RNF13: variants seen among roughly 807,000 people sequenced by gnomAD.
RNF13 encodes E3 ubiquitin-protein ligase RNF13.
A neutral mutation model predicts 37.7 loss-of-function variants in RNF13; 19 were observed. The ratio of observed to expected loss-of-function variants is 0.50; its 90% CI spans 0.35 to 0.74. RNF13 has a LOEUF of 0.74. Among genes scored for constraint, RNF13 ranks in the 30% least tolerant of loss-of-function variants. RNF13 has a pLI of 0.01. For missense variants in RNF13, 375 were observed against 453.0 expected (o/e 0.83, Z 1.56); for synonymous variants, 144 against 157.8 (o/e 0.91, Z 0.65).
intron 2 of RNF13, among the ~76,000 whole-genome samples, chr3:149,851,812 A>T (rs1456164709): frequency 6.6e-6 from 1 of 152,164 alleles, no homozygotes; most frequent in Non-Finnish European, 1.5e-5. Flanking sequence ...AACATTATTA[A>T]ATGATACAGC....
rs551013328 is a variant in RNF13 at position 149,896,116 on chromosome 3, C to T, written c.409+556C>T. On this transcript the variant is annotated intron_variant, in intron 5 of 9. Coordinates refer to ENST00000392894, the MANE Select transcript of RNF13 (RefSeq NM_183381.3). ...AGTGGCATAACTGGCTGTAATAAGACACTGACTTTGAAGCTGTATGCCTCA... is the reference window on the plus strand; with the variant it reads ...AGTGGCATAACTGGCTGTAATAAGATACTGACTTTGAAGCTGTATGCCTCA... Among the ~76,000 whole-genome samples, 100 of 152,278 alleles carry T rather than the reference C, an allele frequency of 6.6e-4. 1 individual carries two copies. The highest frequency in any genetic ancestry group is 2.3e-3 in the African/African-American group (97 of 41,554).
chr3:149,871,970 G>C, intron 3 of RNF13, 59 bp from the exon 4 acceptor site: 4 of 1,421,550 alleles, frequency 2.8e-6, no homozygotes, highest in Non-Finnish European at 3.8e-6. Flanking sequence ...ATTTGTAGAA[G>C]TAAGTTGATT....
chr3:149,879,940 C>G (rs557992131), intron 4 of RNF13, among the ~76,000 whole-genome samples: 1 of 152,150 alleles, frequency 6.6e-6, no homozygotes, highest in Non-Finnish European at 1.5e-5. Context: ...ATGGATATGT[C>G]TTTTCTAATT....
chr3:149,900,530 C>T (rs997196568), intron 5 of RNF13, among the ~76,000 whole-genome samples: 3 of 151,908 alleles, frequency 2.0e-5, no homozygotes, highest in Non-Finnish European at 2.9e-5. Context: ...ACAATGGTGC[C>T]ATCTGTGAAT....
At chr3:149,937,965 G>A (rs1310524743) in intron 8 of RNF13, among the ~76,000 whole-genome samples, 2 of 151,948 alleles carry the variant, frequency 1.3e-5, no homozygotes, top group Non-Finnish European at 2.9e-5. Context: ...CTGCTGTTGA[G>A]TTCAACTGTG....
intron 6 of RNF13, among the ~76,000 whole-genome samples, chr3:149,907,099 A>G (rs867204424): frequency 6.6e-6 from 1 of 152,140 alleles, no homozygotes; most frequent in African/African-American, 2.4e-5. Context: ...ACTGGTTTTT[A>G]TTTGTACAGC....
intron 5 of RNF13, 65 bp downstream of exon 5, chr3:149,895,625 G>T: frequency 1.8e-6 from 2 of 1,105,744 alleles, no homozygotes; most frequent in Non-Finnish European, 2.7e-6. Context: ...AAAATTAACA[G>T]GATTTTCCTT....
At chr3:149,886,238 T>G (rs550404508) in intron 4 of RNF13, among the ~76,000 whole-genome samples, 3 of 152,370 alleles carry the variant, frequency 2.0e-5, no homozygotes, top group Admixed American at 2.0e-4. Flanking sequence ...CATATAAATT[T>G]TACAATTGTT....
chr3:149,858,977 AT>A (rs1249591238), intron 3 of RNF13, among the ~76,000 whole-genome samples: 2 of 152,312 alleles, frequency 1.3e-5, no homozygotes, highest in African/African-American at 4.8e-5. Flanking sequence ...TTGCAAAGAA[AT>A]GTGGTTGTTT....
At chr3:149,892,157 A>G (rs1482523687) in intron 4 of RNF13, among the ~76,000 whole-genome samples, 2 of 152,144 alleles carry the variant, frequency 1.3e-5, no homozygotes, top group African/African-American at 4.8e-5. Context: ...TTCCCATTTT[A>G]GTGGTTTCCT....
intron 5 of RNF13, among the ~76,000 whole-genome samples, chr3:149,896,599 C>T (rs377229525): frequency 6.6e-6 from 1 of 151,952 alleles, no homozygotes; most frequent in East Asian, 1.9e-4. Context: ...CCTGCCTCAG[C>T]CTCCTGAGTA....
intron 8 of RNF13, among the ~76,000 whole-genome samples, chr3:149,947,479 A>G (rs1720879849): frequency 6.6e-6 from 1 of 150,918 alleles, no homozygotes; most frequent in South Asian, 2.1e-4. Flanking sequence ...ATCTTGGCTC[A>G]CTGCAACCTC....
At chr3:149,943,540 A>C (rs1301468031) in intron 8 of RNF13, among the ~76,000 whole-genome samples, 1 of 152,106 alleles carries the variant, frequency 6.6e-6, no homozygotes, top group Non-Finnish European at 1.5e-5. Flanking sequence ...TATCCTCCAA[A>C]GCCCATAGTT....
chr3:149,902,084 A>G lies in RNF13; in HGVS notation c.422A>G (p.Lys141Arg). 3.4e-6 allele frequency: 5 copies of G among 1,458,274 alleles called. No individual in the cohort carries two copies. The South Asian group carries it at 6.8e-5, about 20-fold the overall frequency. 90.3% of individuals were successfully genotyped at this position (1,458,274 alleles called of 1,614,324 possible). Residue 141 changes from lysine to arginine, a missense_variant, in exon 6 of 10, where the codon AAG (lysine) becomes AGG (arginine). Coordinates refer to ENST00000392894, the MANE Select transcript of RNF13 (RefSeq NM_183381.3). ...SMGSNDIEVL[K>R]KIDIPSVFIG... Reference sequence around the variant, plus strand: ...TTCTTTTATACAGTTGAGGTACTAAAGAAAATTGACATTCCATCTGTCTTT... The same window carrying G: ...TTCTTTTATACAGTTGAGGTACTAAGGAAAATTGACATTCCATCTGTCTTT...
chr3:149,856,248 G>C (rs1385962564), intron 3 of RNF13, among the ~76,000 whole-genome samples: 1 of 152,072 alleles, frequency 6.6e-6, no homozygotes, highest in African/African-American at 2.4e-5. Context: ...TGCGTGACTG[G>C]TTTTGCCATT....
intron 3 of RNF13, among the ~76,000 whole-genome samples, chr3:149,858,670 A>G (rs1723903550): frequency 6.6e-6 from 1 of 152,222 alleles, no homozygotes; most frequent in African/African-American, 2.4e-5. Flanking sequence ...AGAAGATAGA[A>G]GAGATGAAGA....
At chr3:149,818,162 T>A (rs1379276920) in intron 1 of RNF13, among the ~76,000 whole-genome samples, 2 of 152,316 alleles carry the variant, frequency 1.3e-5, no homozygotes, top group African/African-American at 4.8e-5. Flanking sequence ...ACTTAGGGGT[T>A]TTTCTGTAGC....
chr3:149,824,431 A>G lies in RNF13; in HGVS notation c.-17+11078A>G, dbSNP rs78538756. Among the ~76,000 whole-genome samples the G allele has an allele frequency of 4.0e-3, 605 of 152,338 alleles. 3 individuals are homozygous for G. The highest frequency in any genetic ancestry group is 0.014 in the African/African-American group (576 of 41,580). On this transcript the variant is annotated intron_variant, in intron 1 of 9. Transcript: ENST00000392894. ...GAGGGAGGCAGAAGAGGAGTTTGGA[A>G]TAATGTGCTATAAGAAGGAATTAAT...
At chr3:149,930,760 T>C (rs1406509169) in intron 8 of RNF13, among the ~76,000 whole-genome samples, 1 of 152,196 alleles carries the variant, frequency 6.6e-6, no homozygotes, top group Non-Finnish European at 1.5e-5. Context: ...CCTATTCAGA[T>C]TGTACGTTTC....
Sources: allele counts gnomAD v4.1 joint callset (sites outside exome capture counted in the v4.1 genomes callset), GRCh38; gene constraint gnomAD v4.1.1; transcripts MANE v1.5; gene names NCBI Gene and HGNC (gene_info 2026-07-23, HGNC 2026-07-21).